The following STRIP2 variants were observed in gnomAD, a reference collection of about 807,000 sequenced individuals.
STRIP2 encodes striatin-interacting protein 2.
In STRIP2, 84 loss-of-function variants were observed where a neutral mutation model predicts 107.1. The observed-to-expected ratio is 0.78, with a 90% CI of 0.66 to 0.94. The LOEUF (loss-of-function observed/expected upper bound fraction) is 0.94. Among genes scored for constraint, STRIP2 ranks in the 40% least tolerant of loss-of-function variants. The pLI is 0.00. For synonymous variants in STRIP2, 394 were observed against 400.4 expected, an observed-to-expected ratio of 0.98 and a Z score of 0.19; for missense variants, 888 against 1,034.2, an observed-to-expected ratio of 0.86 and a Z score of 1.94.
intron 18 of STRIP2, among the ~76,000 whole-genome samples, chr7:129,480,304 G>A (rs1302945457): frequency 6.6e-6 from 1 of 152,014 alleles, no homozygotes; most frequent in Non-Finnish European, 1.5e-5. Flanking sequence ...GCATCTAACT[G>A]TAATATGGTT....
chr7:129,464,876 C>T, intron 16 of STRIP2, 138 bp downstream of exon 16: 1 of 1,129,170 alleles, frequency 8.9e-7, no homozygotes, highest in East Asian at 2.4e-5. Flanking sequence ...GGAATCCAGC[C>T]ACCCATTGCA....
intron 1 of STRIP2, 31 bp from the exon 2 acceptor site, chr7:129,439,991 C>G: frequency 1.3e-6 from 2 of 1,592,600 alleles, no homozygotes; most frequent in Admixed American, 1.7e-5. Flanking sequence ...TCCAAGTTAT[C>G]CCAGTTACCA....
rs1798245063 is a variant in STRIP2 at position 129,453,210 on chromosome 7, ACTGT to A, written c.410-13_410-10del. 1 of 1,613,696 alleles carries A rather than the reference ACTGT, an allele frequency of 6.2e-7. No individual in the cohort carries two copies. Among genetic ancestry groups the A allele is most frequent in the African/African-American group, 1.3e-5 (1 of 74,886 alleles). On this transcript the variant is annotated splice_polypyrimidine_tract_variant and intron_variant, in intron 4 of 20. Transcript: ENST00000249344. ...CTGCCACCCCTCAACCCCTGTAACA[ACTGT>A]CTGGTCCTTTAGGTACTTTTGGGGA...
At chr7:129,465,537 A>G (rs904217627) in intron 16 of STRIP2, among the ~76,000 whole-genome samples, 1 of 152,192 alleles carries the variant, frequency 6.6e-6, no homozygotes, top group East Asian at 1.9e-4. Context: ...TCTATATGCT[A>G]ACACACAATT....
At chr7:129,434,752 TG>T (rs1797685967) in intron 1 of STRIP2, 151 bp downstream of exon 1, 1 of 1,013,188 alleles carries the variant, frequency 9.9e-7, no homozygotes, top group Admixed American at 3.9e-5. Context: ...GGCTGAACTC[TG>T]GGCTCTTTGG....
intron 9 of STRIP2, among the ~76,000 whole-genome samples, chr7:129,457,236 T>C (rs916985762): frequency 2.0e-5 from 3 of 152,198 alleles, no homozygotes; most frequent in African/African-American, 7.2e-5. Flanking sequence ...CAAACCCAGA[T>C]GGTATAGCCT....
Position 129,458,616 on chromosome 7 carries a change from C to A in STRIP2, c.1275-96C>A. Reference sequence around the variant, plus strand: ...TGCTGCCTTTTTCCACTGCTCCAGTCCTCTGATTGGAGGGATAGGAGCCCG... The same window carrying A: ...TGCTGCCTTTTTCCACTGCTCCAGTACTCTGATTGGAGGGATAGGAGCCCG... On this transcript the variant is annotated intron_variant, in intron 10 of 20. Transcript: ENST00000249344. The surrounding 1 kb of genome is among the most constrained non-coding windows in gnomAD (Gnocchi z 4.6). 1.4e-6 allele frequency: 2 copies of A among 1,417,678 alleles called. No homozygotes were observed. The highest frequency in any genetic ancestry group is 2.0e-6 in the Non-Finnish European group (2 of 1,012,140). 87.8% of individuals were successfully genotyped at this position (1,417,678 alleles called of 1,614,324 possible). A position where few individuals can be genotyped will look rare whatever the true frequency, so the allele number is the denominator to read the frequency against.
Position 129,487,568 on chromosome 7 carries a change from C to T in STRIP2, c.*1739C>T, listed in dbSNP as rs2151023405. Reference sequence around the variant, plus strand: ...TTTGTGCTTTAAAGTACCAGGATTTCTGTCTCTATGGATAGGTCTTGGAGA... The same window carrying T: ...TTTGTGCTTTAAAGTACCAGGATTTTTGTCTCTATGGATAGGTCTTGGAGA... On this transcript the variant is annotated 3_prime_UTR_variant, in exon 21 of 21. Coordinates refer to ENST00000249344, the MANE Select transcript of STRIP2 (RefSeq NM_020704.3). The T allele has an allele frequency of 6.6e-6, 1 of 152,308 alleles. No individual in the cohort carries two copies. The highest frequency in any genetic ancestry group is 1.9e-4 in the East Asian group (1 of 5,188). 9.4% of individuals were successfully genotyped at this position (152,308 alleles called of 1,614,324 possible). A position where few individuals can be genotyped will look rare whatever the true frequency, so the allele number is the denominator to read the frequency against.
chr7:129,487,801 T>C lies in STRIP2; in HGVS notation c.*1972T>C, dbSNP rs1402522331. The C allele has an allele frequency of 2.6e-5, 4 of 152,226 alleles. No homozygotes were observed. Among genetic ancestry groups the C allele is most frequent in the Non-Finnish European group, 4.4e-5 (3 of 68,034 alleles). 9.4% of individuals were successfully genotyped at this position (152,226 alleles called of 1,614,324 possible). ...TCCATCAATTTATTATAAAGCCAGATAGTATTCAATTTATGTCAAGAACAA... is the reference window on the plus strand; with the variant it reads ...TCCATCAATTTATTATAAAGCCAGACAGTATTCAATTTATGTCAAGAACAA... On this transcript the variant is annotated 3_prime_UTR_variant, in exon 21 of 21. Transcript: ENST00000249344.
intron 17 of STRIP2, 40 bp from the exon 18 acceptor site, chr7:129,470,609 C>G: frequency 6.5e-7 from 1 of 1,533,564 alleles, no homozygotes; most frequent in Non-Finnish European, 9.0e-7. Context: ...CCTGCTGTTG[C>G]CATTTACCTA....
At chr7:129,434,848 C>T (rs1797689341) in intron 1 of STRIP2, among the ~76,000 whole-genome samples, 2 of 152,354 alleles carry the variant, frequency 1.3e-5, no homozygotes, top group African/African-American at 2.4e-5. Context: ...AAGATGAGCG[C>T]GGTATTGAGC....
intron 1 of STRIP2, among the ~76,000 whole-genome samples, chr7:129,436,066 A>C (rs916402198): frequency 4.6e-5 from 7 of 152,048 alleles, no homozygotes; most frequent in African/African-American, 1.7e-4. Flanking sequence ...CTTCAAGATG[A>C]GTCTGGTCTT....
intron 3 of STRIP2, among the ~76,000 whole-genome samples, chr7:129,449,290 C>A (rs917451074): frequency 6.6e-6 from 1 of 152,112 alleles, no homozygotes; most frequent in South Asian, 2.1e-4. Flanking sequence ...TCAAATAGTT[C>A]TTTTTGAGTG....
intron 11 of STRIP2, among the ~76,000 whole-genome samples, chr7:129,459,243 C>T (rs1798459308): frequency 6.6e-6 from 1 of 152,112 alleles, no homozygotes; most frequent in Admixed American, 6.6e-5. Flanking sequence ...GGGCTATATA[C>T]CCTTTTAAGT....
At chr7:129,482,799 A>C (rs754473941) in intron 19 of STRIP2, 43 bp from the exon 20 acceptor site, 77 of 1,602,786 alleles carry the variant, frequency 4.8e-5, no homozygotes, top group Non-Finnish European at 6.2e-5. Flanking sequence ...TGGAAATTCC[A>C]AGAAACGTTA....
At position 129,458,686 on chromosome 7, in the gene STRIP2, G is replaced by C; in HGVS notation, c.1275-26G>C. The C allele has an allele frequency of 6.2e-7, 1 of 1,613,866 alleles. No individual in the cohort carries two copies. The highest frequency in any genetic ancestry group is 1.1e-5 in the South Asian group (1 of 91,072). The stretch of plus-strand genomic sequence containing the variant: ...AGTTTGCTTTTCTTCCCTTCTCTGG[G>C]ATTGGTCTTTCCACCATCCTCTCAG... On this transcript the variant is annotated intron_variant, in intron 10 of 20. Coordinates refer to ENST00000249344, the MANE Select transcript of STRIP2 (RefSeq NM_020704.3). The surrounding 1 kb of genome is among the most constrained non-coding windows in gnomAD (Gnocchi z 4.6).
intron 9 of STRIP2, 29 bp downstream of exon 9, chr7:129,456,671 G>C (rs747445492): frequency 1.3e-6 from 2 of 1,587,184 alleles, no homozygotes; most frequent in Non-Finnish European, 1.7e-6. Context: ...AATGGTATTG[G>C]GACACCGACT....
At position 129,455,237 on chromosome 7, in the gene STRIP2, C is replaced by A. The variant is rs1268797401; in HGVS notation, c.707-7C>A. ...ACTTTCTCACTCCCCTCTCTCCTCA[C>A]CCCTAGGCTTCTCCATGCATAATGA... is the stretch of plus-strand genomic sequence containing the variant. On this transcript the variant is annotated splice_polypyrimidine_tract_variant and splice_region_variant and intron_variant, in intron 7 of 20. Transcript: ENST00000249344. 1 of 1,611,978 alleles carries A rather than the reference C, an allele frequency of 6.2e-7. No individual in the cohort carries two copies. The highest frequency in any genetic ancestry group is 1.7e-5 in the Admixed American group (1 of 59,758).
chr7:129,447,490 C>G (rs745847839), intron 3 of STRIP2, among the ~76,000 whole-genome samples: 2 of 152,248 alleles, frequency 1.3e-5, no homozygotes, highest in East Asian at 3.8e-4. Context: ...GCATTTGCTA[C>G]TTCTTGCTCA....
Sources: gnomAD v4.1 joint callset for allele counts (sites outside exome capture counted in the v4.1 genomes callset) on GRCh38, gnomAD v4.1.1 for gene constraint, Gnocchi (gnomAD v3.1) non-coding constraint, MANE v1.5 for transcripts, NCBI Gene and HGNC (gene_info 2026-07-23, HGNC 2026-07-21) for gene names.